The following KALRN variants were observed in gnomAD, a reference collection of about 807,000 sequenced individuals.
KALRN encodes kalirin RhoGEF kinase.
Under a neutral mutation model 353.7 loss-of-function variants are expected in KALRN, and 70 were observed. That is an observed-to-expected ratio of 0.20 (90% CI 0.16 to 0.24). The LOEUF is 0.24. Among genes scored for constraint, KALRN ranks in the 10% least tolerant of loss-of-function variants. KALRN has a pLI of 1.00. For missense variants in KALRN, 2,791 were observed against 3,756.7 expected (o/e 0.74, Z 6.72); for synonymous variants, 1,391 against 1,434.8 (o/e 0.97, Z 0.69).
chr3:124,310,068 T>C (rs919320487), intron 6 of KALRN, among the ~76,000 whole-genome samples: 7 of 152,104 alleles, frequency 4.6e-5, no homozygotes, highest in Non-Finnish European at 2.9e-5. Context: ...TTCAACAAGG[T>C]TGCAGGATAC....
intron 1 of KALRN, chr3:124,094,801 C>A: frequency 6.3e-7 from 1 of 1,593,324 alleles, no homozygotes; most frequent in South Asian, 1.1e-5. Context: ...GAGGCTCTGC[C>A]GAGGGGACTG....
chr3:124,329,562 G>A (rs57926537), intron 7 of KALRN, among the ~76,000 whole-genome samples: 3 of 152,050 alleles, frequency 2.0e-5, no homozygotes, highest in Admixed American at 6.5e-5. Context: ...TTCCATACCT[G>A]GACATTACAG....
At chr3:124,113,238 A>G (rs906616213) in intron 1 of KALRN, among the ~76,000 whole-genome samples, 3 of 152,318 alleles carry the variant, frequency 2.0e-5, no homozygotes, top group East Asian at 3.9e-4. Flanking sequence ...TAAGATGCCA[A>G]TAATATCCTA....
At chr3:124,609,529 G>A (rs2077701755) in intron 34 of KALRN, among the ~76,000 whole-genome samples, 1 of 152,186 alleles carries the variant, frequency 6.6e-6, no homozygotes. Context: ...TGAGTAGTAG[G>A]TTATAAAAGT....
rs890349612 is a variant in KALRN, at chr3:124,430,664, A to G, written c.2718A>G (p.Gly906=). Residue 906 remains glycine (G), a synonymous_variant, in exon 16 of 60, where the codon GGA becomes GGG. Coordinates refer to ENST00000682506, the MANE Select transcript of KALRN (RefSeq NM_001388419.1). ...HLQAEVKQVL[G]WIRNGESMLN... ...TTGTCCCGATTCCCTAGGTTCTGGG[A>G]TGGATCCGCAATGGAGAGTCAATGC... 5 of 1,614,096 alleles carry G rather than the reference A, an allele frequency of 3.1e-6. No individual in the cohort carries two copies. The Admixed American group carries it at 6.7e-5, about 22-fold the overall frequency.
At chr3:124,520,408 AG>A (rs1379126172) in intron 33 of KALRN, among the ~76,000 whole-genome samples, 1 of 152,168 alleles carries the variant, frequency 6.6e-6, no homozygotes, top group Non-Finnish European at 1.5e-5. Flanking sequence ...ATATCTCTGA[AG>A]GTAGATATTT....
At chr3:124,266,075 A>G (rs2148899391) in intron 4 of KALRN, among the ~76,000 whole-genome samples, 1 of 152,316 alleles carries the variant, frequency 6.6e-6, no homozygotes, top group Admixed American at 6.5e-5. Context: ...AGATCGTACT[A>G]TTGCATTCCA....
chr3:124,055,669 C>T (rs961054773), intron 1 of KALRN, among the ~76,000 whole-genome samples: 6 of 152,202 alleles, frequency 3.9e-5, no homozygotes, highest in African/African-American at 1.2e-4. Context: ...CAGACTCATG[C>T]GCTGAGTGTG....
intron 3 of KALRN, among the ~76,000 whole-genome samples, chr3:124,235,940 T>C (rs775344909): frequency 2.0e-5 from 3 of 152,230 alleles, no homozygotes; most frequent in Non-Finnish European, 4.4e-5. Flanking sequence ...ATTAAGTTCT[T>C]GAAGCAGGTG....
intron 48 of KALRN, among the ~76,000 whole-genome samples, chr3:124,672,289 G>A (rs1170476780): frequency 6.6e-6 from 1 of 152,166 alleles, no homozygotes; most frequent in Non-Finnish European, 1.5e-5. Context: ...ATTTTAGCAG[G>A]AACAGCACAC....
intron 28 of KALRN, among the ~76,000 whole-genome samples, chr3:124,486,650 A>C (rs2062603820): frequency 6.6e-6 from 1 of 152,232 alleles, no homozygotes. Context: ...AAAAATTTCA[A>C]GGATACAAGT....
In KALRN at chr3:124,699,869, G is replaced by A; in HGVS notation, c.7832G>A (p.Gly2611Asp). The A allele has an allele frequency of 6.2e-7, 1 of 1,614,052 alleles. No individual in the cohort carries two copies. The highest frequency in any genetic ancestry group is 8.5e-7 in the Non-Finnish European group (1 of 1,179,970). ...CCTCTCCTGGGAAACTGTACACTAGGTTCTCAGATCTGGCAGCAGTCAGTG... is the reference window on the plus strand; with the variant it reads ...CCTCTCCTGGGAAACTGTACACTAGATTCTCAGATCTGGCAGCAGTCAGTG... ...SGYTVEYREE[G>D]SQIWQQSVAS... Residue 2611 changes from glycine (G) to aspartate (D), a missense_variant and splice_region_variant, in exon 56 of 60, where the codon GGT (glycine) becomes GAT (aspartate). By Grantham distance (94) the Gly-to-Asp change is moderately conservative. This residue lies in a region of KALRN where 1,065 missense variants were observed against 1,156.4 expected (regional missense o/e 0.92). Transcript: ENST00000682506.
chr3:124,034,995 G>C (rs145869028), intron 1 of KALRN, among the ~76,000 whole-genome samples: 3 of 152,026 alleles, frequency 2.0e-5, no homozygotes, highest in Non-Finnish European at 2.9e-5. Context: ...GGTGCTTTGC[G>C]GGGGAGACTT....
intron 1 of KALRN, among the ~76,000 whole-genome samples, chr3:124,115,928 G>A (rs910032654): frequency 6.6e-6 from 1 of 152,206 alleles, no homozygotes; most frequent in Non-Finnish European, 1.5e-5. Flanking sequence ...CAAAAATGGG[G>A]ATGCATTTTT....
At chr3:124,364,002 A>G (rs1046485490) in intron 10 of KALRN, among the ~76,000 whole-genome samples, 24 of 152,214 alleles carry the variant, frequency 1.6e-4, no homozygotes, top group African/African-American at 5.5e-4. Context: ...TCTCAACAGC[A>G]AGCAGTGTTG....
chr3:124,362,547 T>G (rs1276673693), intron 10 of KALRN, among the ~76,000 whole-genome samples: 1 of 152,216 alleles, frequency 6.6e-6, no homozygotes, highest in Non-Finnish European at 1.5e-5. Context: ...AAATAGAGAT[T>G]GGTGCAGCTG....
chr3:124,452,588 C>A lies in KALRN; in HGVS notation c.3553-2589C>A, dbSNP rs534733678. Among the ~76,000 whole-genome samples, 14 of 152,108 alleles carry A rather than the reference C, an allele frequency of 9.2e-5. 1 individual carries two copies. In the South Asian group the frequency reaches 2.9e-3, roughly 32 times the overall value. On this transcript the variant is annotated intron_variant, in intron 21 of 59. Transcript: ENST00000682506. ...AATGAGTAGGAACCACTCATCACAGCAGGAGAGGCATGCAACATTCAACAT... is the reference window on the plus strand; with the variant it reads ...AATGAGTAGGAACCACTCATCACAGAAGGAGAGGCATGCAACATTCAACAT...
rs776527747 is a variant in KALRN, at chr3:124,334,254, C to T, written c.1417-11C>T. On this transcript the variant is annotated splice_polypyrimidine_tract_variant and intron_variant, in intron 8 of 59. Transcript: ENST00000682506. The surrounding 1 kb of genome is among the most constrained non-coding windows in gnomAD (Gnocchi z 4.2). ...CTTTTCCCTTAACTTAAACTTCTCT[C>T]TTTCCTGCAGGTCAGCCAGGATGGC... 3.7e-6 allele frequency: 6 copies of T among 1,612,404 alleles called. No homozygotes were observed. The highest frequency in any genetic ancestry group is 5.1e-6 in the Non-Finnish European group (6 of 1,178,504).
chr3:124,364,498 C>A (rs2084415165), intron 10 of KALRN, among the ~76,000 whole-genome samples: 1 of 152,194 alleles, frequency 6.6e-6, no homozygotes, highest in Non-Finnish European at 1.5e-5. Context: ...CAGTTAATCT[C>A]CTAAGGAAAG....
Sources: gnomAD v4.1 joint callset for allele counts (sites outside exome capture counted in the v4.1 genomes callset) on GRCh38, gnomAD v4.1.1 for gene constraint, gnomAD v4.1.1 regional missense constraint, Gnocchi (gnomAD v3.1) non-coding constraint, MANE v1.5 for transcripts, NCBI Gene and HGNC (gene_info 2026-07-23, HGNC 2026-07-21) for gene names.